Variants in BRINP3 observed in about 807,000 individuals in gnomAD.
The protein encoded by BRINP3 is BMP/retinoic acid-inducible neural-specific protein 3.
BRINP3 carries 19 observed loss-of-function variants against 71.0 expected under a neutral mutation model. The observed-to-expected ratio is 0.27, with a 90% CI of 0.19 to 0.39. BRINP3 has a LOEUF of 0.39. Among genes scored for constraint, BRINP3 ranks in the 10% least tolerant of loss-of-function variants. BRINP3 has a pLI of 1.00. For missense variants in BRINP3, 959 were observed against 940.8 expected (o/e 1.02, Z -0.25); for synonymous variants, 380 against 337.7 (o/e 1.13, Z -1.37).
At chr1:190,232,946 T>A (rs950524154) in intron 5 of BRINP3, among the ~76,000 whole-genome samples, 6 of 152,090 alleles carry the variant, frequency 3.9e-5, no homozygotes, top group Non-Finnish European at 8.8e-5. Context: ...AGAGAAAATG[T>A]TTTAATAAAT....
chr1:190,469,244 G>T (rs1006723965), intron 1 of BRINP3, among the ~76,000 whole-genome samples: 7 of 150,556 alleles, frequency 4.6e-5, no homozygotes, highest in Non-Finnish European at 8.9e-5. Flanking sequence ...TTATTGTTTG[G>T]TATAATCTTG....
chr1:190,211,547 T>C (rs1380385931), intron 6 of BRINP3, among the ~76,000 whole-genome samples: 8 of 152,126 alleles, frequency 5.3e-5, no homozygotes. Flanking sequence ...ATATGATAGG[T>C]AATGTATCTT....
chr1:190,442,217 G>A (rs1044400102), intron 2 of BRINP3, among the ~76,000 whole-genome samples: 17 of 152,062 alleles, frequency 1.1e-4, no homozygotes, highest in African/African-American at 4.1e-4. Context: ...ATTACATTTC[G>A]TGAGAAAATA....
At position 190,297,779 on chromosome 1, in the gene BRINP3, C is replaced by CGTGTGTGT. The variant is rs58341057; in HGVS notation, c.237-16037_237-16030dup. 4.5e-3 allele frequency among the ~76,000 whole-genome samples: 663 copies of CGTGTGTGT among 146,720 alleles called. 4 individuals are homozygous for CGTGTGTGT. The highest frequency in any genetic ancestry group is 6.8e-3 in the Middle Eastern group (2 of 292). On this transcript the variant is annotated intron_variant, in intron 2 of 7. Transcript: ENST00000367462. Reference sequence around the variant, plus strand: ...TATATGTAGCTGAATTCTGTTTTCTCGTGTGTGTGTGTGTGTGTGTGTGTG... The same window carrying CGTGTGTGT: ...TATATGTAGCTGAATTCTGTTTTCTCGTGTGTGTGTGTGTGTGTGTGTGTGTGTGTGTG...
chr1:190,301,218 T>TATACATATATAC, intron 2 of BRINP3, among the ~76,000 whole-genome samples: 1 of 76,866 alleles, frequency 1.3e-5, no homozygotes, highest in African/African-American at 4.5e-5. Context: ...TATATATATA[T>TATACATATATAC]ATATATATAT....
chr1:190,105,413 T>G (rs1486989191), intron 7 of BRINP3, among the ~76,000 whole-genome samples: 1 of 152,012 alleles, frequency 6.6e-6, no homozygotes, highest in Non-Finnish European at 1.5e-5. Context: ...TAAGTTATAT[T>G]TTAAAGATAA....
chr1:190,434,002 A>G (rs556450504), intron 2 of BRINP3, among the ~76,000 whole-genome samples: 5 of 152,338 alleles, frequency 3.3e-5, no homozygotes, highest in Admixed American at 3.3e-4. Context: ...TATAACTAAT[A>G]TGAGTAGTAA....
At chr1:190,209,344 C>T (rs1293295952) in intron 6 of BRINP3, among the ~76,000 whole-genome samples, 2 of 152,226 alleles carry the variant, frequency 1.3e-5, no homozygotes, top group African/African-American at 2.4e-5. Context: ...ATCTCAGTAA[C>T]ACAAACAGTG....
intron 7 of BRINP3, among the ~76,000 whole-genome samples, chr1:190,143,223 G>A (rs536867805): frequency 9.9e-5 from 15 of 152,160 alleles, no homozygotes; most frequent in South Asian, 2.1e-4. Context: ...GCAAAACTCA[G>A]ACTGAAGTTA....
chr1:190,222,141 A>C (rs1269556879), intron 6 of BRINP3, among the ~76,000 whole-genome samples: 1 of 152,000 alleles, frequency 6.6e-6, no homozygotes, highest in African/African-American at 2.4e-5. Context: ...TGCATGGAAC[A>C]TTCTTCAGAA....
chr1:190,133,262 C>T (rs1009395838), intron 7 of BRINP3, among the ~76,000 whole-genome samples: 1 of 152,086 alleles, frequency 6.6e-6, no homozygotes, highest in Non-Finnish European at 1.5e-5. Context: ...GAAATTCATA[C>T]TCATCCATAG....
At chr1:190,340,864 T>G (rs1324843164) in intron 2 of BRINP3, among the ~76,000 whole-genome samples, 1 of 151,802 alleles carries the variant, frequency 6.6e-6, no homozygotes, top group Non-Finnish European at 1.5e-5. Flanking sequence ...TAGAGAATAC[T>G]CTATGTGAGC....
chr1:190,327,313 T>A, intron 2 of BRINP3, among the ~76,000 whole-genome samples: 1 of 23,314 alleles, frequency 4.3e-5, no homozygotes, highest in South Asian at 1.3e-3. Flanking sequence ...AGGCTCCATC[T>A]CAAAAAAAAG....
rs375408873 is a variant in BRINP3, at chr1:190,454,799, G to A, written c.92C>T (p.Ala31Val). The A allele has an allele frequency of 6.8e-5, 109 of 1,614,106 alleles. No homozygotes were observed. Among genetic ancestry groups the A allele is most frequent in the Non-Finnish European group, 9.1e-5 (107 of 1,180,008 alleles). The change falls in exon 2 of 8, where the codon GCG becomes GTG. Residue 31 changes from alanine (A) to valine (V), a missense_variant. Physicochemically the swap from Ala to Val is moderately conservative, Grantham distance 64. Transcript: ENST00000367462. Reference sequence around the variant, plus strand: ...ATGCTGATCCGAAACAGCAGCAACCGCTAAAACCCAGCAATGAAGACTCAG... The same window carrying A: ...ATGCTGATCCGAAACAGCAGCAACCACTAAAACCCAGCAATGAAGACTCAG... The part of the protein sequence containing the change: ...IALSLHCWVL[A>V]VAAVSDQHAT...
At chr1:190,421,179 C>T (rs537693141) in intron 2 of BRINP3, among the ~76,000 whole-genome samples, 1 of 151,688 alleles carries the variant, frequency 6.6e-6, no homozygotes, top group East Asian at 1.9e-4. Context: ...GTATTCACAA[C>T]AATTGTCCAA....
chr1:190,291,119 G>C (rs1426714426), intron 2 of BRINP3, among the ~76,000 whole-genome samples: 1 of 152,062 alleles, frequency 6.6e-6, no homozygotes, highest in East Asian at 1.9e-4. Context: ...GTCCTGACTA[G>C]CTACCCAGGA....
At chr1:190,372,018 T>A (rs752305231) in intron 2 of BRINP3, among the ~76,000 whole-genome samples, 14 of 152,140 alleles carry the variant, frequency 9.2e-5, no homozygotes, top group Admixed American at 9.2e-4. Flanking sequence ...AAATAGCTAC[T>A]GGTTTTTCAC....
chr1:190,232,266 C>G (rs1383060424), intron 5 of BRINP3, among the ~76,000 whole-genome samples: 1 of 151,830 alleles, frequency 6.6e-6, no homozygotes, highest in East Asian at 1.9e-4. Flanking sequence ...ATACAGTGAC[C>G]CAGAAATATC....
rs575744492 is a variant in BRINP3 at position 190,286,989 on chromosome 1, C to T, written c.237-5239G>A. Among the ~76,000 whole-genome samples, 16 of 151,220 alleles carry T rather than the reference C, an allele frequency of 1.1e-4. No individual in the cohort carries two copies. In the South Asian group the frequency reaches 2.9e-3, roughly 28 times the overall value. On this transcript the variant is annotated intron_variant, in intron 2 of 7. Coordinates refer to ENST00000367462, the MANE Select transcript of BRINP3 (RefSeq NM_199051.3). The stretch of plus-strand genomic sequence containing the variant: ...ATCCAAGCACTTTGGGAGGCTGAGG[C>T]GGACGGATCACTTCAGGTCAGGAGT...
Sources: allele counts gnomAD v4.1 joint callset (sites outside exome capture counted in the v4.1 genomes callset), GRCh38; gene constraint gnomAD v4.1.1; transcripts MANE v1.5; gene names NCBI Gene and HGNC (gene_info 2026-07-23, HGNC 2026-07-21).